Variants in AGBL4 observed in about 807,000 individuals in gnomAD.
The protein encoded by AGBL4 is cytosolic carboxypeptidase 6.
A neutral mutation model predicts 66.4 loss-of-function variants in AGBL4; 58 were observed. The observed-to-expected ratio is 0.87, with a 90% CI of 0.71 to 1.09. The LOEUF (loss-of-function observed/expected upper bound fraction) is 1.09. Ranked by LOEUF, AGBL4 falls within the 50% of genes least tolerant of loss-of-function variation. The pLI is 0.00. For missense variants in AGBL4, 579 were observed against 631.0 expected (o/e 0.92, Z 0.88); for synonymous variants, 234 against 222.9 (o/e 1.05, Z -0.44).
chr1:48,971,369 C>G (rs957368598), intron 5 of AGBL4, among the ~76,000 whole-genome samples: 2 of 152,054 alleles, frequency 1.3e-5, no homozygotes, highest in Non-Finnish European at 2.9e-5. Context: ...ACCATCTCCC[C>G]CTCCACCCCC....
In AGBL4 at chr1:48,828,002, A is replaced by ACACACACG. The variant is rs1461634164; in HGVS notation, c.634+39188_634+39189insCGTGTGTG. 1.8e-5 allele frequency among the ~76,000 whole-genome samples: 2 copies of ACACACACG among 113,032 alleles called. 1 individual carries two copies. The highest frequency in any genetic ancestry group is 9.0e-5 in the African/African-American group (2 of 22,238). 74.2% of individuals were successfully genotyped at this position (113,032 alleles called of 152,430 possible). ...CCCCGTCTCTACTAAAAATACACACACACACACACACACACACACACACAC... is the reference window on the plus strand; with the variant it reads ...CCCCGTCTCTACTAAAAATACACACACACACACGCACACACACACACACACACACACAC... On this transcript the variant is annotated intron_variant, in intron 6 of 13. Coordinates refer to ENST00000371839, the MANE Select transcript of AGBL4 (RefSeq NM_032785.4).
At chr1:49,325,292 T>A (rs1463060243) in intron 3 of AGBL4, among the ~76,000 whole-genome samples, 1 of 152,222 alleles carries the variant, frequency 6.6e-6, no homozygotes, top group Non-Finnish European at 1.5e-5. Context: ...ATGTTTTTCT[T>A]TTTTAATGAA....
At position 49,870,614 on chromosome 1, in the gene AGBL4, T is replaced by C. The variant is rs150995392; in HGVS notation, c.35-19096A>G. ...TAAAAATTAAAAATTTTTTGAATAA[T>C]AGAAAGAAGAACTATCAGATTTCAA... On this transcript the variant is annotated intron_variant, in intron 1 of 13. Transcript: ENST00000371839. Among the ~76,000 whole-genome samples, 17 of 151,156 alleles carry C rather than the reference T, an allele frequency of 1.1e-4. No individual in the cohort carries two copies. In the East Asian group the frequency reaches 3.3e-3, roughly 29 times the overall value.
chr1:50,009,053 C>A (rs768188418), intron 1 of AGBL4, among the ~76,000 whole-genome samples: 2 of 152,158 alleles, frequency 1.3e-5, no homozygotes, highest in Non-Finnish European at 2.9e-5. Flanking sequence ...GGCCTCACTG[C>A]TGAATGTTAT....
At chr1:49,217,647 G>A (rs866615654) in intron 4 of AGBL4, among the ~76,000 whole-genome samples, 5 of 152,086 alleles carry the variant, frequency 3.3e-5, no homozygotes, top group Non-Finnish European at 7.4e-5. Context: ...AATTGCCAGT[G>A]TATAAGATTG....
At chr1:49,535,578 G>A (rs541737345) in intron 3 of AGBL4, among the ~76,000 whole-genome samples, 1 of 151,996 alleles carries the variant, frequency 6.6e-6, no homozygotes, top group East Asian at 1.9e-4. Flanking sequence ...TGAGCAAACT[G>A]AGTATAAAAT....
chr1:49,768,245 T>C (rs146113259), intron 2 of AGBL4, among the ~76,000 whole-genome samples: 1 of 152,068 alleles, frequency 6.6e-6, no homozygotes, highest in Non-Finnish European at 1.5e-5. Context: ...CAGGTTAATA[T>C]GCATGATGAA....
chr1:49,254,892 G>A (rs1043814783), intron 3 of AGBL4, among the ~76,000 whole-genome samples: 1 of 152,060 alleles, frequency 6.6e-6, no homozygotes, highest in African/African-American at 2.4e-5. Context: ...CAACAAACCT[G>A]ACAAAAACAC....
chr1:49,205,376 A>T (rs1648049080), intron 4 of AGBL4, among the ~76,000 whole-genome samples: 1 of 152,050 alleles, frequency 6.6e-6, no homozygotes, highest in South Asian at 2.1e-4. Context: ...ATTCTCACTT[A>T]ACGGTCTTGT....
At chr1:49,774,885 ATAACT>A (rs1305013533) in intron 2 of AGBL4, among the ~76,000 whole-genome samples, 4 of 152,206 alleles carry the variant, frequency 2.6e-5, no homozygotes, top group East Asian at 3.8e-4. Context: ...TTTTAGGAAC[ATAACT>A]TAAGGAGACA....
At chr1:48,590,580 A>T (rs894016853) in intron 10 of AGBL4, among the ~76,000 whole-genome samples, 1 of 152,096 alleles carries the variant, frequency 6.6e-6, no homozygotes. Flanking sequence ...CAAAAACCCC[A>T]AAACAAAAAC....
intron 5 of AGBL4, among the ~76,000 whole-genome samples, chr1:48,975,797 G>T (rs568944974): frequency 2.0e-5 from 3 of 152,214 alleles, no homozygotes; most frequent in Admixed American, 1.3e-4. Flanking sequence ...TTCAGTTCAC[G>T]CTATGACTTC....
At chr1:49,067,053 G>T (rs1199963801) in intron 4 of AGBL4, among the ~76,000 whole-genome samples, 1 of 152,116 alleles carries the variant, frequency 6.6e-6, no homozygotes, top group African/African-American at 2.4e-5. Flanking sequence ...ATTCAATCTT[G>T]CAAGAAATAC....
intron 3 of AGBL4, among the ~76,000 whole-genome samples, chr1:49,658,213 T>C (rs1431223206): frequency 1.3e-5 from 2 of 152,130 alleles, no homozygotes; most frequent in African/African-American, 4.8e-5. Flanking sequence ...GAACAGACAC[T>C]TCTCAAAAGA....
intron 1 of AGBL4, among the ~76,000 whole-genome samples, chr1:49,881,068 C>G (rs1162141709): frequency 6.6e-6 from 1 of 152,136 alleles, no homozygotes; most frequent in African/African-American, 2.4e-5. Flanking sequence ...CTGGCACTCC[C>G]TAGTGAGATG....
rs191859605 is a variant in AGBL4, at chr1:48,648,826, A to C, written c.839+4511T>G. Among the ~76,000 whole-genome samples, 182 of 152,314 alleles carry C rather than the reference A, an allele frequency of 1.2e-3. 1 individual carries two copies. Among genetic ancestry groups the C allele is most frequent in the African/African-American group, 4.1e-3 (172 of 41,578 alleles). On this transcript the variant is annotated intron_variant, in intron 8 of 13. Coordinates refer to ENST00000371839, the MANE Select transcript of AGBL4 (RefSeq NM_032785.4). ...GTTTGTTAAATTATAACAGCAGCTCATCAGGTTAAAGCATAGCAGTGTTCC... is the reference window on the plus strand; with the variant it reads ...GTTTGTTAAATTATAACAGCAGCTCCTCAGGTTAAAGCATAGCAGTGTTCC...
intron 5 of AGBL4, among the ~76,000 whole-genome samples, chr1:49,006,087 G>A (rs1281444512): frequency 6.6e-6 from 1 of 152,146 alleles, no homozygotes; most frequent in African/African-American, 2.4e-5. Context: ...CAGAAGACAG[G>A]TGATTTCTGC....
rs1012276936 is a variant in AGBL4 at position 48,709,637 on chromosome 1, T to G, written c.635-46396A>C. On this transcript the variant is annotated intron_variant, in intron 6 of 13. Transcript: ENST00000371839. ...ATTATTTTGAGATGGAATCTTGCTC[T>G]GTCACCCAGGCTGGAGTGCAGTGGC... is the stretch of plus-strand genomic sequence containing the variant. Among the ~76,000 whole-genome samples, 4 of 123,984 alleles carry G rather than the reference T, an allele frequency of 3.2e-5. No individual in the cohort carries two copies. The South Asian group carries it at 1.1e-3, about 34-fold the overall frequency. The allele number at this position is 123,984 out of a possible 152,430, so 81.3% of individuals were successfully genotyped here.
chr1:50,021,937 A>G (rs2148454498), intron 1 of AGBL4, among the ~76,000 whole-genome samples: 1 of 152,202 alleles, frequency 6.6e-6, no homozygotes, highest in South Asian at 2.1e-4. Context: ...CTCTCTTCCC[A>G]TTGCCCCACA....
Sources: gnomAD v4.1 joint callset for allele counts (sites outside exome capture counted in the v4.1 genomes callset) on GRCh38, gnomAD v4.1.1 for gene constraint, MANE v1.5 for transcripts, NCBI Gene and HGNC (gene_info 2026-07-23, HGNC 2026-07-21) for gene names.